XRCC6: variants seen among roughly 807,000 people sequenced by gnomAD.
The protein encoded by XRCC6 is DNA repair protein Ku70.
Under a neutral mutation model 65.7 loss-of-function variants are expected in XRCC6, and 5 were observed. That is an observed-to-expected ratio of 0.08 (90% CI 0.04 to 0.16). The LOEUF is 0.16. Among genes scored for constraint, XRCC6 ranks in the 10% least tolerant of loss-of-function variants. The pLI is 1.00. For synonymous variants in XRCC6, 270 were observed against 270.6 expected (o/e 1.00, Z 0.02); for missense variants, 447 against 738.1 (o/e 0.61, Z 4.57).
At chr22:41,661,731 G>A (rs923588080) in intron 12 of XRCC6, 11 of 340,348 alleles carry the variant, frequency 3.2e-5, no homozygotes, top group African/African-American at 2.4e-4. Flanking sequence ...CATACCATAT[G>A]ATCCAGTCAG....
rs71184825 is a variant in XRCC6, at chr22:41,639,667, C to CTTTTTTTTTTTTTTTT, written c.773+1889_773+1890insTTTTTTTTTTTTTTTT. Reference sequence around the variant, plus strand: ...TCCATGTGTAGCCTAGATTCTCTCTCTTTTTTTTTTTTTGAGATGGAGTCT... The same window carrying CTTTTTTTTTTTTTTTT: ...TCCATGTGTAGCCTAGATTCTCTCTCTTTTTTTTTTTTTTTTTTTTTTTTTTTTTGAGATGGAGTCT... On this transcript the variant is annotated intron_variant, in intron 6 of 12. Coordinates refer to ENST00000360079, the MANE Select transcript of XRCC6 (RefSeq NM_001469.5). Among the ~76,000 whole-genome samples, 76 of 81,024 alleles carry CTTTTTTTTTTTTTTTT rather than the reference C, an allele frequency of 9.4e-4. 10 individuals carry two copies. The highest frequency in any genetic ancestry group is 1.1e-3 in the African/African-American group (19 of 17,562). The allele number at this position is 81,024 out of a possible 152,430, so 53.2% of individuals were successfully genotyped here.
chr22:41,629,080 A>G (rs1306353148), intron 3 of XRCC6, among the ~76,000 whole-genome samples: 1 of 152,142 alleles, frequency 6.6e-6, no homozygotes, highest in Non-Finnish European at 1.5e-5. Flanking sequence ...GAAAACCATA[A>G]TGAGCTACCA....
At chr22:41,661,727 A>G (rs2068101713) in intron 12 of XRCC6, 1 of 353,662 alleles carries the variant, frequency 2.8e-6, no homozygotes, top group East Asian at 6.4e-5. Context: ...CCAGCATACC[A>G]TATGATCCAG....
chr22:41,657,624 A>G (rs545220140), intron 10 of XRCC6, among the ~76,000 whole-genome samples: 158 of 151,018 alleles, frequency 1.0e-3, no homozygotes, highest in African/African-American at 3.5e-3. Context: ...GGCTCAGGTG[A>G]TTCTCCCACC....
chr22:41,634,833 G>A (rs552150514), intron 3 of XRCC6, among the ~76,000 whole-genome samples: 3 of 152,164 alleles, frequency 2.0e-5, no homozygotes, highest in Admixed American at 1.3e-4. Context: ...ATGAGCCACC[G>A]CGCCTGGGTG....
chr22:41,648,344 T>C (rs1321834445), intron 7 of XRCC6, among the ~76,000 whole-genome samples: 1 of 152,044 alleles, frequency 6.6e-6, no homozygotes, highest in Non-Finnish European at 1.5e-5. Flanking sequence ...CATCACTCAG[T>C]ACATGCTGCT....
intron 2 of XRCC6, among the ~76,000 whole-genome samples, chr22:41,626,127 C>T (rs917864792): frequency 1.9e-4 from 27 of 143,628 alleles, no homozygotes; most frequent in Middle Eastern, 8.3e-3. Flanking sequence ...CATGAGCCAC[C>T]GTGCTTGGCC....
intron 12 of XRCC6, 94 bp from the exon 13 acceptor site, chr22:41,663,528 C>A: frequency 5.7e-6 from 8 of 1,400,992 alleles, no homozygotes; most frequent in Admixed American, 2.1e-5. Flanking sequence ...TGGTTAATTG[C>A]AGCCCAGATT....
rs745597419 is a variant in XRCC6 at position 41,661,354 on chromosome 22, A to G, written c.1546A>G (p.Lys516Glu). 2.5e-6 allele frequency: 4 copies of G among 1,613,980 alleles called. No homozygotes were observed. Among genetic ancestry groups the G allele is most frequent in the Non-Finnish European group, 3.4e-6 (4 of 1,179,964 alleles). ...LTLPKVEAMNKRLGSLVDEFK... is the reference protein window; with the variant it reads ...LTLPKVEAMNERLGSLVDEFK... The stretch of plus-strand genomic sequence containing the variant: ...AGTGCCCAAGGTTGAAGCAATGAAT[A>G]AAAGACTGGGCTCCTTGGTGGATGA... Residue 516 changes from lysine (K) to glutamate (E), a missense_variant, in exon 12 of 13, where the codon AAA becomes GAA. Coordinates refer to ENST00000360079, the MANE Select transcript of XRCC6 (RefSeq NM_001469.5).
At chr22:41,654,275 C>A (rs1385751734) in intron 9 of XRCC6, among the ~76,000 whole-genome samples, 1 of 152,120 alleles carries the variant, frequency 6.6e-6, no homozygotes, top group Non-Finnish European at 1.5e-5. Context: ...AGCACCTTTC[C>A]CTCGGGGTGG....
intron 11 of XRCC6, among the ~76,000 whole-genome samples, chr22:41,661,078 C>G (rs1243001537): frequency 3.3e-5 from 5 of 151,910 alleles, no homozygotes; most frequent in Non-Finnish European, 7.4e-5. Context: ...ATTTACCTAT[C>G]CTATAGGTTG....
chr22:41,634,834 C>T (rs1431579858), intron 3 of XRCC6, among the ~76,000 whole-genome samples: 4 of 152,126 alleles, frequency 2.6e-5, no homozygotes, highest in Admixed American at 6.5e-5. Flanking sequence ...TGAGCCACCG[C>T]GCCTGGGTGA....
At chr22:41,639,212 A>G (rs1000305427) in intron 6 of XRCC6, among the ~76,000 whole-genome samples, 2 of 152,092 alleles carry the variant, frequency 1.3e-5, no homozygotes, top group Non-Finnish European at 2.9e-5. Context: ...AGCACAAAAC[A>G]GAGCCTGTTA....
At chr22:41,645,759 G>A (rs1352537330) in intron 6 of XRCC6, among the ~76,000 whole-genome samples, 3 of 148,678 alleles carry the variant, frequency 2.0e-5, no homozygotes, top group Admixed American at 6.8e-5. Context: ...GCGGTGGCAC[G>A]ATCTTGGCTC....
intron 9 of XRCC6, among the ~76,000 whole-genome samples, chr22:41,654,497 A>G (rs1569096347): frequency 6.6e-6 from 1 of 152,162 alleles, no homozygotes; most frequent in Non-Finnish European, 1.5e-5. Context: ...CAAAGGGCAG[A>G]GGAGAGGTGA....
chr22:41,649,172 G>GTA (rs1342356802), intron 7 of XRCC6, among the ~76,000 whole-genome samples: 5 of 123,912 alleles, frequency 4.0e-5, no homozygotes, highest in Non-Finnish European at 6.7e-5. Flanking sequence ...ATGTATGTAT[G>GTA]TGTGTGTGTA....
chr22:41,659,315 C>T (rs1358262617), intron 11 of XRCC6, among the ~76,000 whole-genome samples: 2 of 152,048 alleles, frequency 1.3e-5, no homozygotes, highest in East Asian at 1.9e-4. Flanking sequence ...ATTCAGAAGT[C>T]GGTGGCCTAG....
chr22:41,649,056 G>A (rs2067964381), intron 7 of XRCC6, among the ~76,000 whole-genome samples: 2 of 149,422 alleles, frequency 1.3e-5, no homozygotes, highest in Non-Finnish European at 3.0e-5. Flanking sequence ...GCATCATAGC[G>A]AGACCCTGTC....
At chr22:41,642,031 C>T (rs920949662) in intron 6 of XRCC6, among the ~76,000 whole-genome samples, 1 of 152,164 alleles carries the variant, frequency 6.6e-6, no homozygotes, top group Non-Finnish European at 1.5e-5. Flanking sequence ...TCAGGTGATC[C>T]ACCTGCCTCA....
Sources: gnomAD v4.1 joint callset for allele counts (sites outside exome capture counted in the v4.1 genomes callset) on GRCh38, gnomAD v4.1.1 for gene constraint, MANE v1.5 for transcripts, NCBI Gene and HGNC (gene_info 2026-07-23, HGNC 2026-07-21) for gene names.